SPATA6: variants seen among roughly 807,000 people sequenced by gnomAD.
SPATA6 encodes the protein spermatogenesis-associated protein 6.
In SPATA6, 56 loss-of-function variants were observed where a neutral mutation model predicts 65.3. That is an observed-to-expected ratio of 0.86 (90% CI 0.69 to 1.07). The LOEUF (loss-of-function observed/expected upper bound fraction) is 1.07. Among genes scored for constraint, SPATA6 ranks in the 50% least tolerant of loss-of-function variants. The pLI is 0.00. For missense variants in SPATA6, 590 were observed against 594.8 expected (o/e 0.99, Z 0.08); for synonymous variants, 199 against 213.2 (o/e 0.93, Z 0.58).
intron 10 of SPATA6, among the ~76,000 whole-genome samples, chr1:48,359,129 T>C (rs1646738378): frequency 6.6e-6 from 1 of 152,180 alleles, no homozygotes; most frequent in Admixed American, 6.6e-5. Context: ...AAGGGAGAGC[T>C]GGAATCTTTA....
intron 11 of SPATA6, among the ~76,000 whole-genome samples, chr1:48,314,818 G>A (rs1645354307): frequency 6.6e-6 from 1 of 151,990 alleles, no homozygotes; most frequent in Admixed American, 6.6e-5. Flanking sequence ...GAAGAAAAGA[G>A]AGAAGAATCA....
In SPATA6 at chr1:48,297,396, A is replaced by T. The variant is rs1164157239; in HGVS notation, c.*1317T>A. On this transcript the variant is annotated 3_prime_UTR_variant, in exon 13 of 13. Coordinates refer to ENST00000371847, the MANE Select transcript of SPATA6 (RefSeq NM_019073.4). ...AGCCTAGGACTCCTGGCTCATAGAG[A>T]TAGCTCTAATGCCCTTTCTGATATA... is the stretch of plus-strand genomic sequence containing the variant. 1 of 152,118 alleles carries T rather than the reference A, an allele frequency of 6.6e-6. No homozygotes were observed. Among genetic ancestry groups the T allele is most frequent in the Non-Finnish European group, 1.5e-5 (1 of 68,006 alleles). 9.4% of individuals were successfully genotyped at this position (152,118 alleles called of 1,614,324 possible). A position where few individuals can be genotyped will look rare whatever the true frequency, so the allele number is the denominator to read the frequency against.
chr1:48,320,693 T>C (rs1023343766), intron 11 of SPATA6, among the ~76,000 whole-genome samples: 1 of 152,158 alleles, frequency 6.6e-6, no homozygotes, highest in African/African-American at 2.4e-5. Flanking sequence ...TTATTGGTAA[T>C]AGTAAGCACA....
At chr1:48,379,316 C>T (rs1557639815) in intron 9 of SPATA6, among the ~76,000 whole-genome samples, 1 of 152,152 alleles carries the variant, frequency 6.6e-6, no homozygotes, top group Non-Finnish European at 1.5e-5. Flanking sequence ...TCTCTCTCGA[C>T]AGGTGGGAAT....
intron 7 of SPATA6, among the ~76,000 whole-genome samples, chr1:48,397,017 T>C (rs771721910): frequency 2.0e-5 from 3 of 151,532 alleles, no homozygotes; most frequent in Non-Finnish European, 3.0e-5. Context: ...CAACAGGATA[T>C]AATTAAGCCA....
At chr1:48,304,423 C>G (rs1645011281) in intron 12 of SPATA6, among the ~76,000 whole-genome samples, 1 of 152,172 alleles carries the variant, frequency 6.6e-6, no homozygotes, top group Non-Finnish European at 1.5e-5. Flanking sequence ...GGGTTTACGG[C>G]AAACTTTAAA....
intron 5 of SPATA6, among the ~76,000 whole-genome samples, chr1:48,411,137 G>T (rs1346762092): frequency 6.6e-6 from 1 of 151,990 alleles, no homozygotes; most frequent in Non-Finnish European, 1.5e-5. Flanking sequence ...GGAGAGAAGG[G>T]GATGACAGAG....
At chr1:48,320,217 A>G (rs1468615246) in intron 11 of SPATA6, among the ~76,000 whole-genome samples, 1 of 152,240 alleles carries the variant, frequency 6.6e-6, no homozygotes, top group African/African-American at 2.4e-5. Flanking sequence ...ATAACAGAGA[A>G]CTTCCAAAGC....
chr1:48,282,876 A>G, the SPATA6 span, among the ~76,000 whole-genome samples: 3 of 152,160 alleles, frequency 2.0e-5, no homozygotes, highest in East Asian at 5.8e-4. Context: ...ATAAAGACAC[A>G]TGCACACATA....
chr1:48,366,599 T>C (rs1647023394), intron 9 of SPATA6, among the ~76,000 whole-genome samples: 1 of 152,222 alleles, frequency 6.6e-6, no homozygotes. Context: ...GTTTGTAGTA[T>C]TCTCTGATGG....
At chr1:48,417,387 G>GTATAAT (rs1285571863) in intron 3 of SPATA6, among the ~76,000 whole-genome samples, 26 of 152,196 alleles carry the variant, frequency 1.7e-4, no homozygotes, top group African/African-American at 6.0e-4. Flanking sequence ...ACACAGAAAA[G>GTATAAT]TATCTACATT....
chr1:48,349,338 T>C (rs953076518), intron 11 of SPATA6, among the ~76,000 whole-genome samples: 3 of 152,016 alleles, frequency 2.0e-5, no homozygotes, highest in African/African-American at 7.2e-5. Context: ...AACTAGAATA[T>C]AGTGACTATG....
chr1:48,265,981 G>C, the SPATA6 span, among the ~76,000 whole-genome samples: 2 of 152,172 alleles, frequency 1.3e-5, no homozygotes, highest in African/African-American at 4.8e-5. Flanking sequence ...TGCATGGTGA[G>C]TAGATTACTG....
chr1:48,439,934 T>C (rs749316514), intron 3 of SPATA6, among the ~76,000 whole-genome samples: 4 of 152,214 alleles, frequency 2.6e-5, no homozygotes, highest in African/African-American at 9.6e-5. Context: ...TGACCTTTTC[T>C]GTAAGAGGGA....
chr1:48,395,223 G>T, intron 8 of SPATA6, 44 bp downstream of exon 8: 2 of 1,427,068 alleles, frequency 1.4e-6, no homozygotes, highest in Non-Finnish European at 1.9e-6. Flanking sequence ...CTTGATTGTA[G>T]CTCAGGCAAC....
At chr1:48,278,873 T>A in the SPATA6 span, among the ~76,000 whole-genome samples, 8 of 152,062 alleles carry the variant, frequency 5.3e-5, 1 homozygote. Context: ...CCAAGACACA[T>A]AATTGTCAGA....
At chr1:48,445,304 G>A (rs2485911) in intron 3 of SPATA6, among the ~76,000 whole-genome samples, 60,782 of 151,994 alleles carry the variant, frequency 0.4, 12,847 homozygotes, top group African/African-American at 0.55. Context: ...GAACATCTAT[G>A]AGGTGCTGCC....
chr1:48,444,026 A>G (rs1490168691), intron 3 of SPATA6, among the ~76,000 whole-genome samples: 1 of 152,152 alleles, frequency 6.6e-6, no homozygotes, highest in African/African-American at 2.4e-5. Context: ...CCCATCCAGC[A>G]GGAAGTAGCT....
chr1:48,351,075 A>AT (rs1646502176), intron 11 of SPATA6, among the ~76,000 whole-genome samples: 1 of 151,872 alleles, frequency 6.6e-6, no homozygotes, highest in African/African-American at 2.4e-5. Context: ...TCCTACACAT[A>AT]TTGTTAGAAT....
Sources: allele counts gnomAD v4.1 joint callset (sites outside exome capture counted in the v4.1 genomes callset), GRCh38; gene constraint gnomAD v4.1.1; transcripts MANE v1.5; gene names NCBI Gene and HGNC (gene_info 2026-07-23, HGNC 2026-07-21).